LIMCH1: variants seen among roughly 807,000 people sequenced by gnomAD.
The protein encoded by LIMCH1 is LIM and calponin homology domains 1.
A neutral mutation model predicts 176.5 loss-of-function variants in LIMCH1; 113 were observed. That is an observed-to-expected ratio of 0.64 (90% confidence interval 0.55 to 0.75). LIMCH1 has a LOEUF of 0.75. Among genes scored for constraint, LIMCH1 ranks in the 30% least tolerant of loss-of-function variants. The pLI is 0.00. For missense variants in LIMCH1, 1,674 were observed against 1,814.9 expected (o/e 0.92, Z 1.41); for synonymous variants, 619 against 645.9 (o/e 0.96, Z 0.63).
At chr4:41,629,759 TC>T (rs1053840139) in intron 9 of LIMCH1, 25 bp downstream of exon 9, 14 of 1,520,758 alleles carry the variant, frequency 9.2e-6, no homozygotes, top group African/African-American at 8.3e-5. Context: ...CCCCCCAGTT[TC>T]CCCCTGGCAG....
chr4:41,373,701 C>T (rs577436852), intron 1 of LIMCH1, among the ~76,000 whole-genome samples: 132 of 152,304 alleles, frequency 8.7e-4, no homozygotes, highest in Admixed American at 4.7e-3. Context: ...GATCTTCAAA[C>T]TCATGCAGTC....
chr4:41,495,960 A>G (rs1481620915), intron 2 of LIMCH1, among the ~76,000 whole-genome samples: 1 of 152,026 alleles, frequency 6.6e-6, no homozygotes, highest in Non-Finnish European at 1.5e-5. Context: ...TTTTCTCATT[A>G]TTACATTTAA....
rs767400963 is a variant in LIMCH1 at position 41,644,583 on chromosome 4, T to C, written c.2210T>C (p.Leu737Pro). The C allele has an allele frequency of 5.0e-6, 8 of 1,611,618 alleles. No homozygotes were observed. The highest frequency in any genetic ancestry group is 6.8e-6 in the Non-Finnish European group (8 of 1,179,176). ...AGGGCCCGCCAGGAGCAGCTGCAGC[T>C]GATAAATAACCAGCTGAGGGAAGAG... ...HSRARQEQLQLINNQLREEDD... is the reference protein window; with the variant it reads ...HSRARQEQLQPINNQLREEDD... Residue 737 changes from leucine (L) to proline (P), a missense_variant, in exon 15 of 32, where the codon CTG (leucine) becomes CCG (proline). Leu to Pro is a moderately conservative substitution (Grantham distance 98). Transcript: ENST00000503057.
At chr4:41,416,657 C>CAAAA (rs35372522) in intron 1 of LIMCH1, among the ~76,000 whole-genome samples, 2 of 43,670 alleles carry the variant, frequency 4.6e-5, no homozygotes, top group Non-Finnish European at 1.2e-4. Context: ...GATTCCATCT[C>CAAAA]AAAAACAAAA....
At chr4:41,365,496 A>T (rs2052829221) in intron 1 of LIMCH1, among the ~76,000 whole-genome samples, 1 of 152,212 alleles carries the variant, frequency 6.6e-6, no homozygotes, top group Admixed American at 6.5e-5. Context: ...TTTGTGATGT[A>T]ATACCATAAG....
intron 1 of LIMCH1, among the ~76,000 whole-genome samples, chr4:41,411,956 C>CAAAAAAAAAAA (rs61054692): frequency 2.6e-5 from 1 of 38,552 alleles, no homozygotes; most frequent in Non-Finnish European, 4.3e-5. Flanking sequence ...GACTCCATCT[C>CAAAAAAAAAAA]AAAAAAAAAA....
At chr4:41,607,331 G>A (rs1360251284) in intron 4 of LIMCH1, among the ~76,000 whole-genome samples, 2 of 152,174 alleles carry the variant, frequency 1.3e-5, no homozygotes, top group African/African-American at 4.8e-5. Flanking sequence ...GGCCAGTCTG[G>A]CTCATGTATT....
At chr4:41,589,426 A>G (rs2087085415) in intron 1 of LIMCH1, among the ~76,000 whole-genome samples, 1 of 152,122 alleles carries the variant, frequency 6.6e-6, no homozygotes, top group Non-Finnish European at 1.5e-5. Flanking sequence ...TGTAGTGGGT[A>G]ACAGGTTCTG....
chr4:41,578,842 C>T (rs2084926624), intron 1 of LIMCH1, among the ~76,000 whole-genome samples: 1 of 151,978 alleles, frequency 6.6e-6, no homozygotes, highest in South Asian at 2.1e-4. Context: ...GCTAGGATTA[C>T]AGGCATGCAA....
At chr4:41,631,999 T>C (rs1165731634) in intron 10 of LIMCH1, among the ~76,000 whole-genome samples, 2 of 152,190 alleles carry the variant, frequency 1.3e-5, no homozygotes, top group African/African-American at 4.8e-5. Flanking sequence ...AAACCTCCTC[T>C]TTGGGGGTTT....
At chr4:41,421,450 A>T (rs1004097800) in intron 1 of LIMCH1, among the ~76,000 whole-genome samples, 7 of 152,208 alleles carry the variant, frequency 4.6e-5, no homozygotes, top group African/African-American at 1.7e-4. Context: ...GTTATTGGTT[A>T]TGATTTTAAA....
At chr4:41,523,445 G>T (rs1231281090) in intron 2 of LIMCH1, among the ~76,000 whole-genome samples, 2 of 152,054 alleles carry the variant, frequency 1.3e-5, no homozygotes, top group Non-Finnish European at 2.9e-5. Flanking sequence ...ACCAGATTTG[G>T]CTCATGGATT....
intron 1 of LIMCH1, among the ~76,000 whole-genome samples, chr4:41,395,306 C>T (rs1414644465): frequency 1.4e-5 from 2 of 147,168 alleles, no homozygotes; most frequent in African/African-American, 5.1e-5. Flanking sequence ...AATCTCGGCT[C>T]ACTGCAACCT....
intron 1 of LIMCH1, chr4:41,473,010 A>G (rs961055170): frequency 3.0e-6 from 3 of 984,366 alleles, no homozygotes. Context: ...GGTAGGCCAG[A>G]GAATAAATGC....
At chr4:41,609,505 T>C (rs561804177) in intron 4 of LIMCH1, 31 of 381,610 alleles carry the variant, frequency 8.1e-5, no homozygotes, top group African/African-American at 6.5e-4. Flanking sequence ...TAAAGCCCTC[T>C]AGATCAGGGT....
intron 2 of LIMCH1, among the ~76,000 whole-genome samples, chr4:41,500,436 G>A (rs1051618427): frequency 2.0e-5 from 3 of 151,964 alleles, no homozygotes; most frequent in African/African-American, 4.8e-5. Flanking sequence ...ACCCTTAATC[G>A]CTAAAAAATT....
chr4:41,390,387 CT>C (rs1160442503), intron 1 of LIMCH1, among the ~76,000 whole-genome samples: 3 of 151,962 alleles, frequency 2.0e-5, no homozygotes, highest in Non-Finnish European at 2.9e-5. Context: ...TTTATGTGTT[CT>C]GCTTAGTTCA....
Position 41,578,389 on chromosome 4 carries a change from C to T in LIMCH1, c.-240-20531C>T, listed in dbSNP as rs199707491. ...ACCTGGACCCTCCCTTGACATGTGA[C>T]GATTACAATTCAAATTACAATTCCA... On this transcript the variant is annotated intron_variant, in intron 1 of 31. Transcript: ENST00000503057. Among the ~76,000 whole-genome samples the T allele has an allele frequency of 3.4e-4, 51 of 152,196 alleles. No homozygotes were observed. The East Asian group carries it at 5.0e-3, about 15-fold the overall frequency.
At chr4:41,476,485 C>G (rs1262025312) in intron 1 of LIMCH1, among the ~76,000 whole-genome samples, 4 of 152,216 alleles carry the variant, frequency 2.6e-5, no homozygotes, top group Non-Finnish European at 5.9e-5. Flanking sequence ...GCTGCTGCCT[C>G]TGGCGGGGCA....
Sources: gnomAD v4.1 joint callset for allele counts (sites outside exome capture counted in the v4.1 genomes callset) on GRCh38, gnomAD v4.1.1 for gene constraint, MANE v1.5 for transcripts, NCBI Gene and HGNC (gene_info 2026-07-23, HGNC 2026-07-21) for gene names.